FAM117B: variants seen among roughly 807,000 people sequenced by gnomAD.
FAM117B encodes the protein protein FAM117B.
In FAM117B, 22 loss-of-function variants were observed where a neutral mutation model predicts 52.8. The ratio of observed to expected loss-of-function variants is 0.42; its 90% CI spans 0.30 to 0.59. FAM117B has a LOEUF of 0.59. FAM117B is among the 20% of genes least tolerant of loss of function. The pLI, the probability that FAM117B is intolerant of heterozygous loss-of-function variation, is 0.22. For synonymous variants in FAM117B, 309 were observed against 324.1 expected, an observed-to-expected ratio of 0.95 and a Z score of 0.50; for missense variants, 678 against 802.6, an observed-to-expected ratio of 0.84 and a Z score of 1.88.
intron 1 of FAM117B, among the ~76,000 whole-genome samples, chr2:202,680,885 G>T (rs1055739087): frequency 6.6e-6 from 1 of 152,132 alleles, no homozygotes; most frequent in African/African-American, 2.4e-5. Flanking sequence ...GTATACAAAA[G>T]AATAAGCACC....
intron 2 of FAM117B, among the ~76,000 whole-genome samples, chr2:202,709,582 AAT>A (rs1690928726): frequency 6.6e-6 from 1 of 152,186 alleles, no homozygotes; most frequent in Admixed American, 6.5e-5. Flanking sequence ...CCTCTTATCA[AAT>A]ATATAGTTTG....
intron 2 of FAM117B, among the ~76,000 whole-genome samples, chr2:202,721,588 A>T (rs369932331): frequency 9.8e-5 from 15 of 152,304 alleles, no homozygotes; most frequent in African/African-American, 3.4e-4. Flanking sequence ...AACCCTTTAC[A>T]TATACTAACT....
intron 2 of FAM117B, among the ~76,000 whole-genome samples, chr2:202,711,369 A>G (rs566953677): frequency 5.9e-5 from 9 of 152,214 alleles, no homozygotes; most frequent in Admixed American, 3.9e-4. Context: ...AGAAATATCT[A>G]TTGAGATATT....
At chr2:202,646,904 T>A (rs1331998645) in intron 1 of FAM117B, among the ~76,000 whole-genome samples, 1 of 152,162 alleles carries the variant, frequency 6.6e-6, no homozygotes, top group Non-Finnish European at 1.5e-5. Context: ...AATGAGATAT[T>A]ATGTGATCTA....
chr2:202,699,662 G>C (rs1690768461), intron 2 of FAM117B, among the ~76,000 whole-genome samples: 1 of 152,056 alleles, frequency 6.6e-6, no homozygotes, highest in African/African-American at 2.4e-5. Context: ...TTCCCTAAGT[G>C]TATGCTAGTT....
In FAM117B at chr2:202,650,990, C is replaced by T. The variant is rs367834097; in HGVS notation, c.601+15202C>T. On this transcript the variant is annotated intron_variant, in intron 1 of 7. Transcript: ENST00000392238. ...AATACTTTGCATCCTTCAATACAGT[C>T]AAGTTGACACTCAATAATAACCGTC... 1.1e-4 allele frequency among the ~76,000 whole-genome samples: 16 copies of T among 151,952 alleles called. 1 individual carries two copies. In the East Asian group the frequency reaches 2.1e-3, roughly 20 times the overall value.
chr2:202,732,815 C>T (rs190257284), intron 4 of FAM117B, among the ~76,000 whole-genome samples: 1 of 147,086 alleles, frequency 6.8e-6, no homozygotes, highest in East Asian at 2.0e-4. Flanking sequence ...AGTGAGACTC[C>T]ATCTCAATAA....
intron 2 of FAM117B, among the ~76,000 whole-genome samples, chr2:202,702,893 TTTG>T (rs1278146781): frequency 1.3e-5 from 2 of 152,272 alleles, no homozygotes; most frequent in East Asian, 3.9e-4. Context: ...GATAGGTATG[TTTG>T]TTAAGACATA....
At chr2:202,667,352 C>T (rs1043033182) in intron 1 of FAM117B, among the ~76,000 whole-genome samples, 6 of 152,106 alleles carry the variant, frequency 3.9e-5, no homozygotes, top group African/African-American at 7.2e-5. Flanking sequence ...CCACCCGCCT[C>T]GGCCTCCCAA....
At chr2:202,736,853 T>C (rs1691445966) in intron 4 of FAM117B, among the ~76,000 whole-genome samples, 1 of 152,188 alleles carries the variant, frequency 6.6e-6, no homozygotes. Context: ...CATGAAACTC[T>C]GTTGAATTCC....
chr2:202,691,599 T>C (rs1314150721), intron 1 of FAM117B, among the ~76,000 whole-genome samples: 1 of 151,124 alleles, frequency 6.6e-6, no homozygotes, highest in Non-Finnish European at 1.5e-5. Context: ...GGAAGAAAAG[T>C]GCCAGACAGC....
At chr2:202,642,052 C>T (rs2105751993) in intron 1 of FAM117B, among the ~76,000 whole-genome samples, 1 of 151,274 alleles carries the variant, frequency 6.6e-6, no homozygotes, top group South Asian at 2.1e-4. Flanking sequence ...AAGCCATTCT[C>T]CTGCCTCAGC....
intron 2 of FAM117B, among the ~76,000 whole-genome samples, chr2:202,720,362 C>A (rs959221470): frequency 4.0e-5 from 6 of 150,862 alleles, no homozygotes; most frequent in Non-Finnish European, 5.9e-5. Context: ...AGCTGTGATT[C>A]AAGAGTTTTA....
intron 4 of FAM117B, among the ~76,000 whole-genome samples, chr2:202,753,948 G>A (rs1282411500): frequency 1.3e-5 from 2 of 152,110 alleles, no homozygotes; most frequent in Non-Finnish European, 2.9e-5. Flanking sequence ...TTAGTTCAAC[G>A]ATTATGGAAG....
At chr2:202,733,172 A>G (rs1366481734) in intron 4 of FAM117B, among the ~76,000 whole-genome samples, 1 of 152,058 alleles carries the variant, frequency 6.6e-6, no homozygotes, top group Non-Finnish European at 1.5e-5. Context: ...TTAAAAGGGG[A>G]GGGGGTGTAT....
chr2:202,648,646 A>G (rs1248283243), intron 1 of FAM117B, among the ~76,000 whole-genome samples: 1 of 152,074 alleles, frequency 6.6e-6, no homozygotes, highest in Admixed American at 6.6e-5. Context: ...ATTTATAAAC[A>G]TTTAGATCAT....
intron 2 of FAM117B, 131 bp downstream of exon 2, chr2:202,696,163 G>T: frequency 9.7e-7 from 1 of 1,031,884 alleles, no homozygotes; most frequent in Non-Finnish European, 1.3e-6. Context: ...TTACCAAAAA[G>T]AGCAGATTCC....
intron 1 of FAM117B, among the ~76,000 whole-genome samples, chr2:202,674,568 C>T (rs1210309194): frequency 1.3e-5 from 2 of 152,210 alleles, no homozygotes; most frequent in African/African-American, 2.4e-5. Context: ...TAGGAGGACC[C>T]GGTACTACCA....
chr2:202,715,643 G>A (rs1450774195), intron 2 of FAM117B, among the ~76,000 whole-genome samples: 15 of 151,940 alleles, frequency 9.9e-5, no homozygotes, highest in Admixed American at 4.6e-4. Context: ...GATGATGGGC[G>A]GCCAGGCAGA....
Sources: gnomAD v4.1 joint callset for allele counts (sites outside exome capture counted in the v4.1 genomes callset) on GRCh38, gnomAD v4.1.1 for gene constraint, MANE v1.5 for transcripts, NCBI Gene and HGNC (gene_info 2026-07-23, HGNC 2026-07-21) for gene names.